The following SGCZ variants were observed in gnomAD, a reference collection of about 807,000 sequenced individuals.
SGCZ encodes the protein zeta-sarcoglycan.
SGCZ carries 40 observed loss-of-function variants against 41.3 expected under a neutral mutation model. The observed-to-expected ratio is 0.97, with a 90% CI of 0.75 to 1.26. The LOEUF is 1.26. Ranked by LOEUF, SGCZ falls within the 50% of genes most tolerant of loss-of-function variation. SGCZ has a pLI of 0.00. For missense variants in SGCZ, 552 were observed against 369.8 expected, an observed-to-expected ratio of 1.49 and a Z score of -4.04; for synonymous variants, 206 against 137.5, an observed-to-expected ratio of 1.50 and a Z score of -3.49.
chr8:14,349,031 TC>T (rs902934227), intron 2 of SGCZ, among the ~76,000 whole-genome samples: 2 of 152,074 alleles, frequency 1.3e-5, no homozygotes, highest in African/African-American at 4.8e-5. Flanking sequence ...ATCATCCAAA[TC>T]CTTTTTAATA....
chr8:14,664,131 A>T (rs1807835735), intron 1 of SGCZ, among the ~76,000 whole-genome samples: 1 of 152,180 alleles, frequency 6.6e-6, no homozygotes, highest in African/African-American at 2.4e-5. Flanking sequence ...TAGTTTCCCA[A>T]ATTCTGAAAA....
At chr8:14,478,631 A>T (rs547721478) in intron 2 of SGCZ, among the ~76,000 whole-genome samples, 10 of 152,210 alleles carry the variant, frequency 6.6e-5, no homozygotes, top group African/African-American at 2.4e-4. Flanking sequence ...ATTTTTTAAA[A>T]AATGAAACTG....
chr8:14,382,842 C>G (rs1452483710), intron 2 of SGCZ, among the ~76,000 whole-genome samples: 1 of 152,134 alleles, frequency 6.6e-6, no homozygotes, highest in Non-Finnish European at 1.5e-5. Flanking sequence ...CAAATTCAAA[C>G]CAAACTGCTA....
intron 1 of SGCZ, among the ~76,000 whole-genome samples, chr8:15,090,711 T>C (rs577564030): frequency 9.2e-5 from 14 of 152,226 alleles, no homozygotes; most frequent in East Asian, 7.7e-4. Flanking sequence ...AGGAAGCAAA[T>C]AGATGGTTAA....
At chr8:14,769,963 C>G (rs1454376649) in intron 1 of SGCZ, among the ~76,000 whole-genome samples, 2 of 151,808 alleles carry the variant, frequency 1.3e-5, no homozygotes, top group East Asian at 1.9e-4. Context: ...TCAGCCAGTA[C>G]AGTATAGGCA....
intron 2 of SGCZ, among the ~76,000 whole-genome samples, chr8:14,336,353 A>G (rs146450001): frequency 0.011 from 1,690 of 152,220 alleles, 28 homozygotes; most frequent in African/African-American, 0.037. Flanking sequence ...ATGGGCATTT[A>G]TGTTGATTCT....
At chr8:14,150,168 G>A (rs536258112) in intron 5 of SGCZ, among the ~76,000 whole-genome samples, 1 of 152,160 alleles carries the variant, frequency 6.6e-6, no homozygotes, top group Admixed American at 6.5e-5. Flanking sequence ...GGCAAGAATG[G>A]ACAAATAGGA....
intron 1 of SGCZ, among the ~76,000 whole-genome samples, chr8:15,036,773 C>A (rs1279285905): frequency 2.0e-5 from 3 of 151,878 alleles, no homozygotes; most frequent in African/African-American, 7.3e-5. Flanking sequence ...AGGACAATAT[C>A]TAGAAAAGGA....
chr8:15,118,820 T>C (rs1807370990), intron 1 of SGCZ, among the ~76,000 whole-genome samples: 2 of 152,154 alleles, frequency 1.3e-5, no homozygotes, highest in African/African-American at 4.8e-5. Context: ...GCAGATCAGC[T>C]CCATAGTTAT....
At chr8:15,041,467 A>G (rs900418757) in intron 1 of SGCZ, among the ~76,000 whole-genome samples, 2 of 152,112 alleles carry the variant, frequency 1.3e-5, no homozygotes, top group East Asian at 3.8e-4. Context: ...CATGATTTAT[A>G]TAATTTTATA....
chr8:15,112,647 G>C (rs939409893), intron 1 of SGCZ, among the ~76,000 whole-genome samples: 7 of 152,306 alleles, frequency 4.6e-5, no homozygotes, highest in African/African-American at 1.7e-4. Context: ...TTGAAACACA[G>C]CCACCATGCC....
intron 4 of SGCZ, among the ~76,000 whole-genome samples, chr8:14,197,251 G>A (rs1372033826): frequency 6.6e-6 from 1 of 152,030 alleles, no homozygotes; most frequent in Non-Finnish European, 1.5e-5. Context: ...TCAACTAAAT[G>A]TTCCTGAATA....
At chr8:14,876,435 A>G (rs1163399686) in intron 1 of SGCZ, among the ~76,000 whole-genome samples, 1 of 152,196 alleles carries the variant, frequency 6.6e-6, no homozygotes, top group Non-Finnish European at 1.5e-5. Context: ...TTTCATTTTC[A>G]GAAACTAGAG....
chr8:14,861,301 C>G (rs954469391), intron 1 of SGCZ, among the ~76,000 whole-genome samples: 1 of 152,120 alleles, frequency 6.6e-6, no homozygotes, highest in Non-Finnish European at 1.5e-5. Flanking sequence ...AGAGTCCCTT[C>G]TTATTTAGGT....
intron 1 of SGCZ, among the ~76,000 whole-genome samples, chr8:14,991,475 C>T (rs575582193): frequency 6.6e-6 from 1 of 152,228 alleles, no homozygotes; most frequent in East Asian, 1.9e-4. Context: ...AATTCTAGGG[C>T]TTTGAGTGGC....
intron 1 of SGCZ, among the ~76,000 whole-genome samples, chr8:15,039,336 C>A (rs1243091059): frequency 6.6e-6 from 1 of 151,972 alleles, no homozygotes; most frequent in African/African-American, 2.4e-5. Context: ...ATGGATGAAC[C>A]CAGATGACAT....
At chr8:14,762,791 T>C (rs908738439) in intron 1 of SGCZ, among the ~76,000 whole-genome samples, 13 of 152,226 alleles carry the variant, frequency 8.5e-5, no homozygotes, top group Admixed American at 2.6e-4. Flanking sequence ...TGAAGAAGTA[T>C]TGGGCAAGCA....
At chr8:14,365,253 A>G (rs540790379) in intron 2 of SGCZ, among the ~76,000 whole-genome samples, 1 of 152,094 alleles carries the variant, frequency 6.6e-6, no homozygotes, top group Non-Finnish European at 1.5e-5. Context: ...TCTCAAAAAC[A>G]TACATTTTCT....
intron 3 of SGCZ, among the ~76,000 whole-genome samples, chr8:14,319,869 A>G (rs187140039): frequency 1.3e-5 from 2 of 152,198 alleles, no homozygotes; most frequent in Admixed American, 1.3e-4. Context: ...CATGGAGCTA[A>G]TGCATTCAGC....
Sources: allele counts gnomAD v4.1 joint callset (sites outside exome capture counted in the v4.1 genomes callset), GRCh38; gene constraint gnomAD v4.1.1; transcripts MANE v1.5; gene names NCBI Gene and HGNC (gene_info 2026-07-23, HGNC 2026-07-21).